The following LAMA1 variants were observed in gnomAD, a reference collection of about 807,000 sequenced individuals.
LAMA1 encodes laminin subunit alpha-1.
In LAMA1, 219 loss-of-function variants were observed where a neutral mutation model predicts 348.7. The ratio of observed to expected loss-of-function variants is 0.63; its 90% CI spans 0.56 to 0.70. The LOEUF (loss-of-function observed/expected upper bound fraction) is 0.70. LAMA1 is among the 30% of genes least tolerant of loss of function. LAMA1 has a pLI of 0.00. For missense variants in LAMA1, 3,744 were observed against 3,888.0 expected (o/e 0.96, Z 0.99); for synonymous variants, 1,487 against 1,491.0 (o/e 1.00, Z 0.06).
At position 6,965,553 on chromosome 18, in the gene LAMA1, C is replaced by G. The variant is rs548531700; in HGVS notation, c.7051-121G>C. The G allele has an allele frequency of 6.1e-6, 7 of 1,144,260 alleles. No individual in the cohort carries two copies. The East Asian group carries it at 1.4e-4, about 23-fold the overall frequency. 70.9% of individuals were successfully genotyped at this position (1,144,260 alleles called of 1,614,324 possible). On this transcript the variant is annotated intron_variant, in intron 49 of 62. Transcript: ENST00000389658. ...ACTGAGAAAACTGGATCTGGCCCCA[C>G]AGCCAGAGGTCTATCGGCTACGAAA...
intron 22 of LAMA1, among the ~76,000 whole-genome samples, chr18:7,014,557 GGA>G: frequency 4.9e-5 from 2 of 40,496 alleles, no homozygotes; most frequent in African/African-American, 7.6e-5. Context: ...AAGAGGTCAA[GGA>G]TACAGTGAGC....
chr18:7,009,944 C>A (rs767981589), intron 26 of LAMA1, among the ~76,000 whole-genome samples: 8 of 152,040 alleles, frequency 5.3e-5, no homozygotes, highest in Non-Finnish European at 1.0e-4. Context: ...GTAGCTGGGA[C>A]TACAGGTGTG....
At chr18:6,994,073 C>G (rs559695332) in intron 34 of LAMA1, among the ~76,000 whole-genome samples, 1 of 152,196 alleles carries the variant, frequency 6.6e-6, no homozygotes, top group East Asian at 1.9e-4. Context: ...CACTTTAAAA[C>G]CCAAATATAC....
chr18:6,949,516 G>A (rs1296719857), intron 58 of LAMA1, among the ~76,000 whole-genome samples: 1 of 152,210 alleles, frequency 6.6e-6, no homozygotes, highest in Non-Finnish European at 1.5e-5. Flanking sequence ...ATGACAGCAA[G>A]AGGAATCTGA....
At chr18:7,111,508 C>A (rs1189930691) in intron 1 of LAMA1, among the ~76,000 whole-genome samples, 1 of 152,192 alleles carries the variant, frequency 6.6e-6, no homozygotes, top group African/African-American at 2.4e-5. Flanking sequence ...TGGGCACTGT[C>A]ACACCCAGTA....
intron 37 of LAMA1, 128 bp downstream of exon 37, chr18:6,986,009 C>T (rs1600373289): frequency 1.9e-5 from 18 of 972,590 alleles, no homozygotes; most frequent in East Asian, 4.9e-5. Context: ...CTGCCTGCCT[C>T]GGCCTCCCAA....
In LAMA1 at chr18:7,110,170, GACTCCATCCCCCCACCC is replaced by G. The variant is rs779876441; in HGVS notation, c.61+7473_61+7489del. On this transcript the variant is annotated intron_variant, in intron 1 of 62. Coordinates refer to ENST00000389658, the MANE Select transcript of LAMA1 (RefSeq NM_005559.4). ...CACTCCAGCCTGGGTGACAGAGCAAGACTCCATCCCCCCACCCGCTGCCAAAAAAAAAAAAGCGGCTA... is the reference window on the plus strand; with the variant it reads ...CACTCCAGCCTGGGTGACAGAGCAAGGCTGCCAAAAAAAAAAAAGCGGCTA... Among the ~76,000 whole-genome samples, 174 of 149,824 alleles carry G rather than the reference GACTCCATCCCCCCACCC, an allele frequency of 1.2e-3. 2 individuals are homozygous for G. The East Asian group carries it at 0.033, about 28-fold the overall frequency.
chr18:7,013,869 G>T lies in LAMA1; in HGVS notation c.3309C>A (p.Asn1103Lys), dbSNP rs1419218341. 1.9e-6 allele frequency: 3 copies of T among 1,612,038 alleles called. No homozygotes were observed. The African/African-American group carries it at 4.0e-5, about 22-fold the overall frequency. Residue 1103 changes from asparagine to lysine, a missense_variant, in exon 23 of 63, where the codon AAC (asparagine) becomes AAA (lysine). Asn to Lys is a moderately conservative substitution (Grantham distance 94). This residue lies in a region of LAMA1 where 1,529 missense variants were observed against 1,689.4 expected (regional missense o/e 0.91). Coordinates refer to ENST00000389658, the MANE Select transcript of LAMA1 (RefSeq NM_005559.4). ...CACAGCCGCAGAGACCCTGCTCCAGGTTGCAGGCGTCCCCCGACGTCCCCC... is the reference window on the plus strand; with the variant it reads ...CACAGCCGCAGAGACCCTGCTCCAGTTTGCAGGCGTCCCCCGACGTCCCCC... The part of the protein sequence containing the change: ...DLRGTSGDAC[N>K]LEQGLCGCVE...
chr18:6,947,270 C>G lies in LAMA1; in HGVS notation c.8737G>C (p.Asp2913His). Residue 2913 changes from aspartate to histidine, a missense_variant, in exon 61 of 63, where the codon GAT (aspartate) becomes CAT (histidine). Physicochemically the swap from Asp to His is moderately conservative, Grantham distance 81. Transcript: ENST00000389658. ...LVKEGYKVQSDVNITLEFRTS... is the reference protein window; with the variant it reads ...LVKEGYKVQSHVNITLEFRTS... ...CGAAACTCCAGTGTGATGTTCACAT[C>G]TGACTGGACTTTGTAGCCCTCTTTG... 1 of 1,613,938 alleles carries G rather than the reference C, an allele frequency of 6.2e-7. No homozygotes were observed. The highest frequency in any genetic ancestry group is 8.5e-7 in the Non-Finnish European group (1 of 1,180,006).
At chr18:7,034,858 GGT>G (rs1372132203) in intron 13 of LAMA1, among the ~76,000 whole-genome samples, 168 bp from the exon 14 acceptor site, 2 of 152,122 alleles carry the variant, frequency 1.3e-5, no homozygotes, top group East Asian at 3.9e-4. Context: ...TCAGAGAAAA[GGT>G]GTTTCATTGT....
chr18:7,003,515 C>T (rs981576282), intron 29 of LAMA1, among the ~76,000 whole-genome samples: 12 of 152,294 alleles, frequency 7.9e-5, no homozygotes, highest in South Asian at 2.1e-4. Context: ...GCCTCGGCCT[C>T]CCAAAGTGCT....
At position 7,114,008 on chromosome 18, in the gene LAMA1, C is replaced by T. The variant is rs375446820; in HGVS notation, c.61+3652G>A. ...AGGAGAATGGCGTGAACCTGGGAGG[C>T]GGAGCTTGCAGTGAGCCGAGATCGT... On this transcript the variant is annotated intron_variant, in intron 1 of 62. Transcript: ENST00000389658. Among the ~76,000 whole-genome samples the T allele has an allele frequency of 2.5e-3, 363 of 146,464 alleles. 2 individuals are homozygous for T. The highest frequency in any genetic ancestry group is 8.3e-3 in the African/African-American group (331 of 39,674).
chr18:6,977,841 T>A lies in LAMA1; in HGVS notation c.6231A>T (p.Gln2077His), dbSNP rs371541660. ...AGRKVKDVEI[Q>H]ANLLFDRLKP... is the part of the protein sequence containing the mutation. ...TCAACCGATCAAACAAAAGGTTGGC[T>A]TGAATTTCCACGTCTTTGACTTTTC... The change falls in exon 44 of 63, where the codon CAA (glutamine) becomes CAT (histidine). Residue 2077 changes from glutamine to histidine, a missense_variant. This residue lies in a region of LAMA1 where 1,983 missense variants were observed against 1,934.3 expected (regional missense o/e 1.03). Transcript: ENST00000389658. 3 of 1,613,870 alleles carry A rather than the reference T, an allele frequency of 1.9e-6. No homozygotes were observed. The African/African-American group carries it at 4.0e-5, about 22-fold the overall frequency.
chr18:7,082,353 G>T (rs796121158), intron 1 of LAMA1, among the ~76,000 whole-genome samples: 3 of 151,994 alleles, frequency 2.0e-5, no homozygotes, highest in African/African-American at 7.2e-5. Flanking sequence ...TCCCTGTAAA[G>T]GGACTTCGTT....
chr18:6,972,761 C>T (rs1056723631), intron 47 of LAMA1, among the ~76,000 whole-genome samples: 1 of 152,224 alleles, frequency 6.6e-6, no homozygotes, highest in Non-Finnish European at 1.5e-5. Context: ...GCGATCTCAG[C>T]TCACTGCAAC....
At chr18:7,100,568 C>A (rs2058287533) in intron 1 of LAMA1, among the ~76,000 whole-genome samples, 1 of 152,150 alleles carries the variant, frequency 6.6e-6, no homozygotes, top group Non-Finnish European at 1.5e-5. Flanking sequence ...TGAAAACAAT[C>A]AAAATGTCCA....
intron 40 of LAMA1, 135 bp downstream of exon 40, chr18:6,982,964 T>G: frequency 8.6e-7 from 1 of 1,164,366 alleles, no homozygotes; most frequent in East Asian, 2.4e-5. Context: ...GATCATATGA[T>G]GACAGAAGCC....
intron 3 of LAMA1, among the ~76,000 whole-genome samples, chr18:7,051,563 T>C (rs1207290756): frequency 6.6e-6 from 1 of 152,208 alleles, no homozygotes; most frequent in Non-Finnish European, 1.5e-5. Context: ...TGTAGTATTA[T>C]TATTATTAAC....
At chr18:6,968,364 C>T (rs750873464) in intron 48 of LAMA1, among the ~76,000 whole-genome samples, 24 of 152,320 alleles carry the variant, frequency 1.6e-4, no homozygotes, top group African/African-American at 5.3e-4. Flanking sequence ...CATGCGAGGG[C>T]ATGAGATAAC....
Sources: gnomAD v4.1 joint callset for allele counts (sites outside exome capture counted in the v4.1 genomes callset) on GRCh38, gnomAD v4.1.1 for gene constraint, gnomAD v4.1.1 regional missense constraint, MANE v1.5 for transcripts, NCBI Gene and HGNC (gene_info 2026-07-23, HGNC 2026-07-21) for gene names.